KLHL1: variants seen among roughly 807,000 people sequenced by gnomAD.
KLHL1 encodes kelch-like protein 1.
Under a neutral mutation model 77.7 loss-of-function variants are expected in KLHL1, and 47 were observed. The ratio of observed to expected loss-of-function variants is 0.60; its 90% CI spans 0.48 to 0.77. The LOEUF is 0.77. KLHL1 is among the 30% of genes least tolerant of loss of function. The pLI, the probability that KLHL1 is intolerant of heterozygous loss-of-function variation, is 0.00. For missense variants in KLHL1, 925 were observed against 910.8 expected (o/e 1.02, Z -0.20); for synonymous variants, 360 against 325.2 (o/e 1.11, Z -1.15).
Position 70,000,910 on chromosome 13 carries a change from A to G in KLHL1, c.498-25108T>C, listed in dbSNP as rs950772141. Among the ~76,000 whole-genome samples, 9 of 144,058 alleles carry G rather than the reference A, an allele frequency of 6.2e-5. No individual in the cohort carries two copies. The South Asian group carries it at 1.9e-3, about 31-fold the overall frequency. The allele number at this position is 144,058 out of a possible 152,430, so 94.5% of individuals were successfully genotyped here. A position where few individuals can be genotyped will look rare whatever the true frequency, so the allele number is the denominator to read the frequency against. On this transcript the variant is annotated intron_variant, in intron 1 of 10. Transcript: ENST00000377844. ...TCAAATAAAATAGAAAAAAGCAAAG[A>G]TAAAATATAACTTACAGAAAAAAAA...
intron 5 of KLHL1, among the ~76,000 whole-genome samples, chr13:69,860,426 G>C (rs1402590691): frequency 1.3e-5 from 2 of 151,868 alleles, no homozygotes; most frequent in Admixed American, 6.6e-5. Flanking sequence ...TTTAAAAAAC[G>C]AGCAAATTTG....
intron 4 of KLHL1, among the ~76,000 whole-genome samples, chr13:69,891,019 T>A (rs1881409416): frequency 6.6e-6 from 1 of 152,134 alleles, no homozygotes; most frequent in Non-Finnish European, 1.5e-5. Flanking sequence ...TATATTTTGT[T>A]ATCAGCTCTT....
At chr13:69,808,526 T>C (rs573179456) in intron 6 of KLHL1, among the ~76,000 whole-genome samples, 1 of 151,250 alleles carries the variant, frequency 6.6e-6, no homozygotes, top group Non-Finnish European at 1.5e-5. Flanking sequence ...GCCACAGTCA[T>C]ATCCCCAAGG....
chr13:69,794,493 A>G (rs768025633), intron 7 of KLHL1, among the ~76,000 whole-genome samples: 3 of 151,870 alleles, frequency 2.0e-5, no homozygotes, highest in Non-Finnish European at 4.4e-5. Flanking sequence ...TAGAAAGAAG[A>G]GCAGGAAAGA....
intron 1 of KLHL1, among the ~76,000 whole-genome samples, chr13:70,048,296 C>G (rs1284131293): frequency 6.6e-6 from 1 of 152,122 alleles, no homozygotes; most frequent in African/African-American, 2.4e-5. Context: ...ATACAACTAC[C>G]CAAATTCTCT....
intron 10 of KLHL1, 91 bp from the exon 11 acceptor site, chr13:69,701,852 A>G: frequency 2.2e-6 from 2 of 917,800 alleles, no homozygotes; most frequent in Non-Finnish European, 3.3e-6. Flanking sequence ...TGAAAATCAT[A>G]AATAAATGTG....
At chr13:70,054,593 G>A (rs1008374560) in intron 1 of KLHL1, among the ~76,000 whole-genome samples, 2 of 151,940 alleles carry the variant, frequency 1.3e-5, no homozygotes, top group Non-Finnish European at 2.9e-5. Flanking sequence ...CAACCCCCAA[G>A]TGACATAAAT....
chr13:69,956,182 CTG>C (rs1479744507), intron 3 of KLHL1, among the ~76,000 whole-genome samples: 4 of 115,120 alleles, frequency 3.5e-5, no homozygotes, highest in Non-Finnish European at 6.7e-5. Context: ...TATTATATAT[CTG>C]ATATATATAT....
chr13:69,914,858 T>C (rs997845821), intron 4 of KLHL1, among the ~76,000 whole-genome samples: 1 of 152,104 alleles, frequency 6.6e-6, no homozygotes, highest in African/African-American at 2.4e-5. Context: ...GCAAAATAGA[T>C]AAAAGATGTA....
Position 69,950,087 on chromosome 13 carries a change from G to T in KLHL1, c.818-9851C>A, listed in dbSNP as rs373986676. 1.4e-4 allele frequency among the ~76,000 whole-genome samples: 22 copies of T among 151,738 alleles called. 1 individual carries two copies. In the South Asian group the frequency reaches 4.6e-3, roughly 31 times the overall value. ...GCCTTCCACCCACAAGAAAGACATGGTTATGTTTTTTGAGTACTAATTACA... is the reference window on the plus strand; with the variant it reads ...GCCTTCCACCCACAAGAAAGACATGTTTATGTTTTTTGAGTACTAATTACA... On this transcript the variant is annotated intron_variant, in intron 3 of 10. Coordinates refer to ENST00000377844, the MANE Select transcript of KLHL1 (RefSeq NM_020866.3).
At chr13:69,902,847 T>C (rs1881915965) in intron 4 of KLHL1, among the ~76,000 whole-genome samples, 1 of 152,096 alleles carries the variant, frequency 6.6e-6, no homozygotes, top group African/African-American at 2.4e-5. Flanking sequence ...ATAGCACATG[T>C]ATACATATGC....
intron 8 of KLHL1, among the ~76,000 whole-genome samples, chr13:69,727,147 A>G (rs1334773858): frequency 6.6e-6 from 1 of 152,164 alleles, no homozygotes; most frequent in Non-Finnish European, 1.5e-5. Context: ...AGATTAAACT[A>G]TGCTTTGGAT....
intron 1 of KLHL1, among the ~76,000 whole-genome samples, chr13:69,995,091 T>C (rs1246798498): frequency 6.6e-6 from 1 of 152,098 alleles, no homozygotes; most frequent in Admixed American, 6.6e-5. Flanking sequence ...GAAAGTTTTA[T>C]TGTAATATAG....
At chr13:69,951,356 G>A (rs954823781) in intron 3 of KLHL1, among the ~76,000 whole-genome samples, 2 of 151,496 alleles carry the variant, frequency 1.3e-5, no homozygotes, top group African/African-American at 2.4e-5. Context: ...AAACTAGAAG[G>A]GAGATAGAAA....
intron 3 of KLHL1, among the ~76,000 whole-genome samples, chr13:69,940,798 A>G (rs1202286273): frequency 1.7e-4 from 25 of 146,178 alleles, no homozygotes; most frequent in African/African-American, 5.7e-4. Context: ...AAGGCAAAAA[A>G]AAAAAAAAAA....
intron 6 of KLHL1, among the ~76,000 whole-genome samples, chr13:69,834,095 A>G (rs1275900669): frequency 6.6e-6 from 1 of 151,848 alleles, no homozygotes; most frequent in Non-Finnish European, 1.5e-5. Flanking sequence ...GAGGGATGAA[A>G]GAGTGGAGGT....
At chr13:69,942,176 A>G (rs1304264578) in intron 3 of KLHL1, among the ~76,000 whole-genome samples, 1 of 152,014 alleles carries the variant, frequency 6.6e-6, no homozygotes, top group East Asian at 1.9e-4. Context: ...ATTTTCATTT[A>G]TATATATACA....
intron 6 of KLHL1, among the ~76,000 whole-genome samples, chr13:69,806,519 A>T (rs923637259): frequency 2.0e-5 from 3 of 152,168 alleles, no homozygotes; most frequent in African/African-American, 7.2e-5. Context: ...AGAAGTAAGT[A>T]AAGATAGTGT....
intron 4 of KLHL1, among the ~76,000 whole-genome samples, chr13:69,930,437 C>T (rs962890190): frequency 1.3e-5 from 2 of 151,750 alleles, no homozygotes; most frequent in African/African-American, 2.4e-5. Flanking sequence ...AAAAACCAAG[C>T]TTTAGAGTAC....
Sources: allele counts gnomAD v4.1 joint callset (sites outside exome capture counted in the v4.1 genomes callset), GRCh38; gene constraint gnomAD v4.1.1; transcripts MANE v1.5; gene names NCBI Gene and HGNC (gene_info 2026-07-23, HGNC 2026-07-21).